NBEAL2: variants seen among roughly 807,000 people sequenced by gnomAD.
NBEAL2 encodes neurobeachin-like protein 2.
A neutral mutation model predicts 299.8 loss-of-function variants in NBEAL2; 160 were observed. The ratio of observed to expected loss-of-function variants is 0.53; its 90% confidence interval spans 0.47 to 0.61. NBEAL2 has a LOEUF of 0.61. Among genes scored for constraint, NBEAL2 ranks in the 20% least tolerant of loss-of-function variants. The probability of loss-of-function intolerance (pLI) is 0.00; values close to 1 mark genes in which losing one functional copy is unlikely to be tolerated. For synonymous variants in NBEAL2, 1,493 were observed against 1,542.3 expected (o/e 0.97, Z 0.75); for missense variants, 3,112 against 3,649.0 (o/e 0.85, Z 3.79).
rs762783900 is a variant in NBEAL2, at chr3:47,003,958, C to T, written c.5863C>T (p.Arg1955Cys). 5.6e-6 allele frequency: 9 copies of T among 1,613,106 alleles called. No individual in the cohort carries two copies. The highest frequency in any genetic ancestry group is 4.5e-5 in the East Asian group (2 of 44,856). Residue 1955 changes from arginine to cysteine, a missense_variant, in exon 36 of 54, where the codon CGC (arginine) becomes TGC (cysteine). Arg to Cys is a radical substitution (Grantham distance 180, BLOSUM62 -3). Coordinates refer to ENST00000450053, the MANE Select transcript of NBEAL2 (RefSeq NM_015175.3). The surrounding 1 kb of genome is among the most constrained non-coding windows in gnomAD (Gnocchi z 7.0). ...NVYFYDGSTE[R>C]VETEEGIGYD... ...ATACTTCTACGATGGCAGCACTGAG[C>T]GCGTGGAAACCGAGGAGGGTGCGTC...
chr3:47,004,291 G>A lies in NBEAL2; in HGVS notation c.6096G>A (p.Arg2032=). 9 of 1,613,362 alleles carry A rather than the reference G, an allele frequency of 5.6e-6. No homozygotes were observed. The highest frequency in any genetic ancestry group is 6.8e-6 in the Non-Finnish European group (8 of 1,179,704). The change falls in exon 37 of 54, where the codon CGG becomes CGA. Residue 2032 remains arginine (R), a synonymous_variant. Coordinates refer to ENST00000450053, the MANE Select transcript of NBEAL2 (RefSeq NM_015175.3). The surrounding 1 kb of genome is among the most constrained non-coding windows in gnomAD (Gnocchi z 5.0). ...CCATCCCACCCCATACCCAGGTACG[G>A]AACCAGGTGTACTCGTGGCTCCTGC... ...PGPIPPHTQV[R]NQVYSWLLRL...
rs1344129351 is a variant in NBEAL2, at chr3:46,982,537, A to G, written c.51+2625A>G. 4.6e-5 allele frequency among the ~76,000 whole-genome samples: 7 copies of G among 152,180 alleles called. No homozygotes were observed. The highest frequency in any genetic ancestry group is 3.9e-4 in the Admixed American group (6 of 15,272). On this transcript the variant is annotated intron_variant, in intron 1 of 53. Coordinates refer to ENST00000450053, the MANE Select transcript of NBEAL2 (RefSeq NM_015175.3). The surrounding 1 kb of genome is among the most constrained non-coding windows in gnomAD (Gnocchi z 4.2). ...GAAGAGGGAAGGGTCAGAGCATCCCAGGACTTCACTCAGTTGGAGCTCCTT... is the reference window on the plus strand; with the variant it reads ...GAAGAGGGAAGGGTCAGAGCATCCCGGGACTTCACTCAGTTGGAGCTCCTT...
rs1244110024 is a variant in NBEAL2, at chr3:47,002,424, C to T, written c.5205C>T (p.Asp1735=). 6.2e-7 allele frequency: 1 copy of T among 1,613,432 alleles called. No individual in the cohort carries two copies. The highest frequency in any genetic ancestry group is 8.5e-7 in the Non-Finnish European group (1 of 1,179,916). ...FEMDTYAKSH[D]LMSGFWNACY... ...TGGACACGTATGCTAAGAGCCACGA[C>T]CTTATGTCAGGTTTCTGGAATGCCT... The change falls in exon 32 of 54, where the codon GAC becomes GAT. Residue 1735 remains aspartate (D), a synonymous_variant. Transcript: ENST00000450053.
Position 47,005,070 on chromosome 3 carries a change from C to T in NBEAL2, c.6393C>T (p.Pro2131=). 6.2e-7 allele frequency: 1 copy of T among 1,613,832 alleles called. No individual in the cohort carries two copies. Among genetic ancestry groups the T allele is most frequent in the Non-Finnish European group, 8.5e-7 (1 of 1,179,870 alleles). ...CTAAGCCCATCGGTGTGGTGAACCC[C>T]AAGCATGCCCAGCTCGTGAGGGAGA... ...DLSKPIGVVN[P]KHAQLVREKY... The change falls in exon 39 of 54, where the codon CCC becomes CCT. Residue 2131 remains proline, a synonymous_variant. Coordinates refer to ENST00000450053, the MANE Select transcript of NBEAL2 (RefSeq NM_015175.3).
Position 47,000,391 on chromosome 3 carries a change from C to T in NBEAL2, c.4292C>T (p.Thr1431Ile). 1 of 1,572,260 alleles carries T rather than the reference C, an allele frequency of 6.4e-7. No individual in the cohort carries two copies. The highest frequency in any genetic ancestry group is 8.6e-7 in the Non-Finnish European group (1 of 1,156,106). ...ATTAGCGGGGATGATACCTCGAACA[C>T]CAGCAACCCACAGGTGAGGTGGGCC... is the stretch of plus-strand genomic sequence containing the variant. ...PTISGDDTSN[T>I]SNPQQTSEEE... The change falls in exon 27 of 54, where the codon ACC becomes ATC. Residue 1431 changes from threonine (T) to isoleucine (I), a missense_variant. This residue lies in a region of NBEAL2 where 2,243 missense variants were observed against 2,538.1 expected (regional missense o/e 0.88). Coordinates refer to ENST00000450053, the MANE Select transcript of NBEAL2 (RefSeq NM_015175.3). This position sits in a 1 kb window ranked among gnomAD's most constrained non-coding sequence, Gnocchi z 4.5.
rs1211266077 is a variant in NBEAL2, at chr3:46,982,823, G to T, written c.51+2911G>T. Among the ~76,000 whole-genome samples, 1 of 152,146 alleles carries T rather than the reference G, an allele frequency of 6.6e-6. No individual in the cohort carries two copies. The highest frequency in any genetic ancestry group is 1.5e-5 in the Non-Finnish European group (1 of 68,028). The stretch of plus-strand genomic sequence containing the variant: ...GCTAGTCAAGCAGGCCTGGTGGACA[G>T]GTGGGGGCTCATCTAGAGGACTCAG... On this transcript the variant is annotated intron_variant, in intron 1 of 53. Coordinates refer to ENST00000450053, the MANE Select transcript of NBEAL2 (RefSeq NM_015175.3). The surrounding 1 kb of genome is among the most constrained non-coding windows in gnomAD (Gnocchi z 4.2).
rs1029927659 is a variant in NBEAL2 at position 47,009,621 on chromosome 3, C to T, written c.*301C>T. Reference sequence around the variant, plus strand: ...CTTCCAAGTCGCTGTTTCGTCAAAGCACGAGGGCCGCCTGTGGCCTTAATT... The same window carrying T: ...CTTCCAAGTCGCTGTTTCGTCAAAGTACGAGGGCCGCCTGTGGCCTTAATT... On this transcript the variant is annotated 3_prime_UTR_variant, in exon 54 of 54. Coordinates refer to ENST00000450053, the MANE Select transcript of NBEAL2 (RefSeq NM_015175.3). 112 of 436,848 alleles carry T rather than the reference C, an allele frequency of 2.6e-4. No homozygotes were observed. Among genetic ancestry groups the T allele is most frequent in the African/African-American group, 2.2e-3 (103 of 47,738 alleles). The allele number at this position is 436,848 out of a possible 1,614,324, so 27.1% of individuals were successfully genotyped here. A position where few individuals can be genotyped will look rare whatever the true frequency, so the allele number is the denominator to read the frequency against.
rs12893 is a variant in NBEAL2 at position 47,009,294 on chromosome 3, G to A, written c.8239G>A (p.Glu2747Lys). 3 of 1,601,066 alleles carry A rather than the reference G, an allele frequency of 1.9e-6. No individual in the cohort carries two copies. The highest frequency in any genetic ancestry group is 2.6e-6 in the Non-Finnish European group (3 of 1,175,148). Residue 2747 changes from glutamate (E) to lysine (K), a missense_variant, in exon 54 of 54, where the codon GAA (glutamate) becomes AAA (lysine). This residue lies in a region of NBEAL2 where 348 missense variants were observed against 381.4 expected (regional missense o/e 0.91). Coordinates refer to ENST00000450053, the MANE Select transcript of NBEAL2 (RefSeq NM_015175.3). Reference protein sequence around the residue: ...RISQVSSGETEYNPTEAR With the variant: ...RISQVSSGETKYNPTEAR The stretch of plus-strand genomic sequence containing the variant: ...CTCCCAGGTGTCCTCGGGAGAGACG[G>A]AATACAACCCTACTGAGGCGCGCTG...
At position 46,982,216 on chromosome 3, in the gene NBEAL2, G is replaced by A. The variant is rs1312165823; in HGVS notation, c.51+2304G>A. 6.6e-6 allele frequency among the ~76,000 whole-genome samples: 1 copy of A among 152,160 alleles called. No individual in the cohort carries two copies. Among genetic ancestry groups the A allele is most frequent in the Non-Finnish European group, 1.5e-5 (1 of 68,026 alleles). ...CTATTGTGTGTGTGCTTGGGGAGGG[G>A]GAGTGCAAGGTAAGGGGCAGAGCTG... On this transcript the variant is annotated intron_variant, in intron 1 of 53. Coordinates refer to ENST00000450053, the MANE Select transcript of NBEAL2 (RefSeq NM_015175.3). The surrounding 1 kb of genome is among the most constrained non-coding windows in gnomAD (Gnocchi z 4.2).
intron 21 of NBEAL2, 101 bp downstream of exon 21, chr3:46,998,327 A>G: frequency 6.6e-7 from 1 of 1,524,950 alleles, no homozygotes; most frequent in South Asian, 1.2e-5. Context: ...CCTGTTAGGA[A>G]TCCAGAATGC....
In NBEAL2 at chr3:47,001,203, G is replaced by A; in HGVS notation, c.4484+24G>A. 6.2e-7 allele frequency: 1 copy of A among 1,604,166 alleles called. No individual in the cohort carries two copies. Among genetic ancestry groups the A allele is most frequent in the East Asian group, 2.2e-5 (1 of 44,668 alleles). On this transcript the variant is annotated intron_variant, in intron 28 of 53. Coordinates refer to ENST00000450053, the MANE Select transcript of NBEAL2 (RefSeq NM_015175.3). The surrounding 1 kb of genome is among the most constrained non-coding windows in gnomAD (Gnocchi z 6.1). Reference sequence around the variant, plus strand: ...AGGTGAGAGGGAAAGTCTGGAGGGGGAGGGGCTTCAGGAAGCCTCGGGGGA... The same window carrying A: ...AGGTGAGAGGGAAAGTCTGGAGGGGAAGGGGCTTCAGGAAGCCTCGGGGGA...
In NBEAL2 at chr3:46,991,319, G is replaced by T. The variant is rs770509779; in HGVS notation, c.642+15G>T. The T allele has an allele frequency of 4.4e-6, 7 of 1,593,748 alleles. No individual in the cohort carries two copies. In the Admixed American group the frequency reaches 1.2e-4, roughly 28 times the overall value. On this transcript the variant is annotated intron_variant, in intron 7 of 53. Coordinates refer to ENST00000450053, the MANE Select transcript of NBEAL2 (RefSeq NM_015175.3). The surrounding 1 kb of genome is among the most constrained non-coding windows in gnomAD (Gnocchi z 6.2). ...CTGGAGGAAAGGTAGGCTGGGAGGT[G>T]AGCCTGTGGACTAGAGAGCAGCTCT...
In NBEAL2 at chr3:46,996,484, C is replaced by G. The variant is rs2107349228; in HGVS notation, c.2365C>G (p.Gln789Glu). The change falls in exon 16 of 54, where the codon CAG becomes GAG. Residue 789 changes from glutamine (Q) to glutamate (E), a missense_variant. Around this residue, in one of 3 missense-constraint regions of NBEAL2, gnomAD observed 2,243 missense variants for 2,538.1 expected, o/e 0.88. Transcript: ENST00000450053. Reference protein sequence around the residue: ...GSIDSTLAGTQDTRWGSPTSL... With the variant: ...GSIDSTLAGTEDTRWGSPTSL... ...CATCGACTCTACCCTCGCAGGCACC[C>G]AGGACACTCGGTGGGGCAGCCCCAC... 6.3e-7 allele frequency: 1 copy of G among 1,592,694 alleles called. No individual in the cohort carries two copies. The highest frequency in any genetic ancestry group is 8.6e-7 in the Non-Finnish European group (1 of 1,167,814).
At position 47,005,029 on chromosome 3, in the gene NBEAL2, G is replaced by A. The variant is rs146270553; in HGVS notation, c.6352G>A (p.Val2118Ile). ...AACCCTGGACCTCAGCAACCCAGCC[G>A]TCTTCCGGGACCTGTCTAAGCCCAT... The part of the protein sequence containing the change: ...SPTLDLSNPA[V>I]FRDLSKPIGV... Residue 2118 changes from valine (V) to isoleucine (I), a missense_variant, in exon 39 of 54, where the codon GTC becomes ATC. Val to Ile is a conservative substitution (Grantham distance 29). Transcript: ENST00000450053. The A allele has an allele frequency of 9.4e-4, 1,522 of 1,612,894 alleles. 3 individuals are homozygous for A. Among genetic ancestry groups the A allele is most frequent in the Non-Finnish European group, 1.2e-3 (1,370 of 1,179,478 alleles).
Position 46,988,580 on chromosome 3 carries a change from T to A in NBEAL2, c.52-89T>A. ...CATGCCCTCTGTCCACCTCCATTCA[T>A]TCTTCGCCTCTGTCTACATCCCCTT... On this transcript the variant is annotated intron_variant, in intron 1 of 53. Transcript: ENST00000450053. The surrounding 1 kb of genome is among the most constrained non-coding windows in gnomAD (Gnocchi z 4.4). 1 of 926,066 alleles carries A rather than the reference T, an allele frequency of 1.1e-6. No individual in the cohort carries two copies. The highest frequency in any genetic ancestry group is 2.7e-4 in the Middle Eastern group (1 of 3,726). 57.4% of individuals were successfully genotyped at this position (926,066 alleles called of 1,614,324 possible). A position where few individuals can be genotyped will look rare whatever the true frequency, so the allele number is the denominator to read the frequency against.
chr3:46,994,942 G>A, intron 12 of NBEAL2, 90 bp from the exon 13 acceptor site: 1 of 1,455,606 alleles, frequency 6.9e-7, no homozygotes, highest in Non-Finnish European at 9.1e-7. Context: ...GTTGCTGACT[G>A]CTGCCGTAGG....
At position 46,982,532 on chromosome 3, in the gene NBEAL2, A is replaced by G. The variant is rs377225335; in HGVS notation, c.51+2620A>G. Among the ~76,000 whole-genome samples, 169 of 152,278 alleles carry G rather than the reference A, an allele frequency of 1.1e-3. 4 individuals carry two copies. In the South Asian group the frequency reaches 0.035, roughly 31 times the overall value. The stretch of plus-strand genomic sequence containing the variant: ...TGAGGGAAGAGGGAAGGGTCAGAGC[A>G]TCCCAGGACTTCACTCAGTTGGAGC... On this transcript the variant is annotated intron_variant, in intron 1 of 53. Coordinates refer to ENST00000450053, the MANE Select transcript of NBEAL2 (RefSeq NM_015175.3). The surrounding 1 kb of genome is among the most constrained non-coding windows in gnomAD (Gnocchi z 4.2).
At position 46,989,426 on chromosome 3, in the gene NBEAL2, G is replaced by A; in HGVS notation, c.473+45G>A. On this transcript the variant is annotated intron_variant, in intron 5 of 53. Transcript: ENST00000450053. This position sits in a 1 kb window ranked among gnomAD's most constrained non-coding sequence, Gnocchi z 5.5. ...AAGGGAACCCAGAGGAGGGTGGGGA[G>A]AGGATGGCCGCGCTGGGCCCAAGGA... 1 of 1,565,424 alleles carries A rather than the reference G, an allele frequency of 6.4e-7. No homozygotes were observed. Among genetic ancestry groups the A allele is most frequent in the Non-Finnish European group, 8.7e-7 (1 of 1,155,052 alleles).
In NBEAL2 at chr3:47,001,609, G is replaced by C; in HGVS notation, c.4645-80G>C. 8 of 1,586,138 alleles carry C rather than the reference G, an allele frequency of 5.0e-6. No homozygotes were observed. Among genetic ancestry groups the C allele is most frequent in the Non-Finnish European group, 6.9e-6 (8 of 1,164,232 alleles). ...GCACAAACCCTACCTGGCCCCCAGCGCAAACTTTACTTTGCTCCCTTTCCA... is the reference window on the plus strand; with the variant it reads ...GCACAAACCCTACCTGGCCCCCAGCCCAAACTTTACTTTGCTCCCTTTCCA... On this transcript the variant is annotated intron_variant, in intron 29 of 53. Coordinates refer to ENST00000450053, the MANE Select transcript of NBEAL2 (RefSeq NM_015175.3). The surrounding 1 kb of genome is among the most constrained non-coding windows in gnomAD (Gnocchi z 6.1).
Sources: allele counts gnomAD v4.1 joint callset (sites outside exome capture counted in the v4.1 genomes callset), GRCh38; gene constraint gnomAD v4.1.1; regional missense constraint gnomAD v4.1.1; non-coding constraint Gnocchi (gnomAD v3.1); transcripts MANE v1.5; gene names NCBI Gene and HGNC (gene_info 2026-07-23, HGNC 2026-07-21).